Variants in UGT1A8 observed in about 807,000 individuals in gnomAD.
UGT1A8 encodes UDP-glucuronosyltransferase 1A8.
UGT1A8 carries 39 observed loss-of-function variants against 45.3 expected under a neutral mutation model. The ratio of observed to expected loss-of-function variants is 0.86; its 90% confidence interval spans 0.67 to 1.12. The LOEUF (loss-of-function observed/expected upper bound fraction) is 1.12. Among genes scored for constraint, UGT1A8 ranks in the 50% most tolerant of loss-of-function variants. UGT1A8 has a pLI of 0.00. For missense variants in UGT1A8, 719 were observed against 664.9 expected, an observed-to-expected ratio of 1.08 and a Z score of -0.90; for synonymous variants, 275 against 249.2, an observed-to-expected ratio of 1.10 and a Z score of -0.97.
At chr2:233,713,146 A>G (rs2076284173) in intron 1 of UGT1A8, 1 of 1,614,234 alleles carries the variant, frequency 6.2e-7, no homozygotes, top group East Asian at 2.2e-5. Context: ...CGGGACCTCC[A>G]TGCGAGAGGC....
intron 1 of UGT1A8, chr2:233,718,669 AT>A (rs2076674344): frequency 6.5e-7 from 1 of 1,549,232 alleles, no homozygotes; most frequent in East Asian, 2.4e-5. Context: ...TTATAGATTA[AT>A]GGGTAATAAG....
intron 1 of UGT1A8, among the ~76,000 whole-genome samples, chr2:233,748,636 A>G (rs1201080065): frequency 6.6e-6 from 1 of 151,796 alleles, no homozygotes; most frequent in African/African-American, 2.4e-5. Flanking sequence ...CTGTGATTAT[A>G]GAATTACACA....
chr2:233,687,313 T>G (rs2074832354), intron 1 of UGT1A8, among the ~76,000 whole-genome samples: 1 of 152,142 alleles, frequency 6.6e-6, no homozygotes, highest in African/African-American at 2.4e-5. Context: ...TGTTGTCTTC[T>G]TGATGCAAGT....
chr2:233,646,088 C>T (rs1161257346), intron 1 of UGT1A8, among the ~76,000 whole-genome samples: 2 of 152,222 alleles, frequency 1.3e-5, no homozygotes, highest in African/African-American at 2.4e-5. Flanking sequence ...AGTCTCAACC[C>T]CACATGGAAG....
chr2:233,659,698 G>C (rs1045375049), intron 1 of UGT1A8, among the ~76,000 whole-genome samples: 1 of 152,124 alleles, frequency 6.6e-6, no homozygotes, highest in African/African-American at 2.4e-5. Flanking sequence ...ATTACTGTCT[G>C]ACATTTTTGC....
At chr2:233,682,820 A>G (rs562629163) in intron 1 of UGT1A8, 4 of 1,573,334 alleles carry the variant, frequency 2.5e-6, no homozygotes, top group South Asian at 1.2e-5. Flanking sequence ...TAGCACATTA[A>G]GAATAATCTG....
Position 233,772,359 on chromosome 2 carries a change from C to T in UGT1A8, c.1393C>T (p.His465Tyr), listed in dbSNP as rs1559420158. 1 of 1,614,248 alleles carries T rather than the reference C, an allele frequency of 6.2e-7. No individual in the cohort carries two copies. The highest frequency in any genetic ancestry group is 8.5e-7 in the Non-Finnish European group (1 of 1,180,052). ...GTTCTGGGTGGAGTTTGTGATGAGG[C>T]ACAAGGGCGCGCCACACCTGCGCCC... ...AVFWVEFVMR[H>Y]KGAPHLRPAA... Residue 465 changes from histidine (H) to tyrosine (Y), a missense_variant, in exon 5 of 5, where the codon CAC (histidine) becomes TAC (tyrosine). His to Tyr is a moderately conservative substitution (Grantham distance 83). Coordinates refer to ENST00000373450, the MANE Select transcript of UGT1A8 (RefSeq NM_019076.5).
In UGT1A8 at chr2:233,634,737, G is replaced by T. The variant is rs1479239403; in HGVS notation, c.855+16175G>T. 4.3e-5 allele frequency among the ~76,000 whole-genome samples: 6 copies of T among 140,988 alleles called. No homozygotes were observed. The Admixed American group carries it at 4.4e-4, about 10-fold the overall frequency. 92.5% of individuals were successfully genotyped at this position (140,988 alleles called of 152,430 possible). ...GTCTTCTGAATGCAGCACACTGATG[G>T]GTCTTGACTGTTTATCCAATTTGCC... On this transcript the variant is annotated intron_variant, in intron 1 of 4. Coordinates refer to ENST00000373450, the MANE Select transcript of UGT1A8 (RefSeq NM_019076.5).
chr2:233,658,182 CT>C (rs2073896157), intron 1 of UGT1A8, among the ~76,000 whole-genome samples: 1 of 152,002 alleles, frequency 6.6e-6, no homozygotes, highest in African/African-American at 2.4e-5. Flanking sequence ...CCATGCCCAG[CT>C]AATTTTTGTA....
intron 1 of UGT1A8, among the ~76,000 whole-genome samples, chr2:233,678,748 T>G (rs1159437249): frequency 6.9e-6 from 1 of 145,830 alleles, no homozygotes; most frequent in African/African-American, 2.5e-5. Flanking sequence ...TGGAAAGCAC[T>G]CATCTCTATC....
chr2:233,726,321 G>A (rs1278846802), intron 1 of UGT1A8, among the ~76,000 whole-genome samples: 1 of 152,184 alleles, frequency 6.6e-6, no homozygotes, highest in African/African-American at 2.4e-5. Context: ...GAGCTCAGGA[G>A]TTTCAGCACC....
At position 233,769,465 on chromosome 2, in the gene UGT1A8, G is replaced by A. The variant is rs34036745; in HGVS notation, c.1295+1026G>A. On this transcript the variant is annotated intron_variant, in intron 4 of 4. Coordinates refer to ENST00000373450, the MANE Select transcript of UGT1A8 (RefSeq NM_019076.5). The surrounding 1 kb of genome is among the most constrained non-coding windows in gnomAD (Gnocchi z 4.4). The stretch of plus-strand genomic sequence containing the variant: ...GGTGCACACGTGTGCATTCATATGC[G>A]TGTGTGTGTGTGTGCGTGTGTTTAT... The A allele has an allele frequency of 1.9e-4, 256 of 1,316,538 alleles. No homozygotes were observed. Among genetic ancestry groups the A allele is most frequent in the Non-Finnish European group, 2.3e-4 (217 of 963,564 alleles). The allele number at this position is 1,316,538 out of a possible 1,614,324, so 81.6% of individuals were successfully genotyped here.
chr2:233,689,268 A>G (rs537771403), intron 1 of UGT1A8, among the ~76,000 whole-genome samples: 1 of 152,312 alleles, frequency 6.6e-6, no homozygotes, highest in African/African-American at 2.4e-5. Context: ...TATTGTTATC[A>G]TACTAAACTA....
intron 1 of UGT1A8, among the ~76,000 whole-genome samples, chr2:233,632,060 C>T (rs1005843689): frequency 2.0e-5 from 3 of 152,134 alleles, no homozygotes; most frequent in Non-Finnish European, 4.4e-5. Context: ...TATGGCTAGC[C>T]AGTTTTCCCA....
chr2:233,686,136 A>C (rs571767710), intron 1 of UGT1A8, among the ~76,000 whole-genome samples: 1 of 152,306 alleles, frequency 6.6e-6, no homozygotes, highest in East Asian at 1.9e-4. Context: ...TCATATATAA[A>C]AATTAACTTG....
Position 233,704,417 on chromosome 2 carries a change from AC to A in UGT1A8, c.856-62616del, listed in dbSNP as rs57721875. Among the ~76,000 whole-genome samples, 1,452 of 152,082 alleles carry A rather than the reference AC, an allele frequency of 9.5e-3. 33 individuals are homozygous for A. Among genetic ancestry groups the A allele is most frequent in the African/African-American group, 0.033 (1,359 of 41,510 alleles). ...CAGTATCTACTTCAGATTTATACCA[AC>A]TTAATTCCAGTTAAATATTGAAATG... is the stretch of plus-strand genomic sequence containing the variant. On this transcript the variant is annotated intron_variant, in intron 1 of 4. Transcript: ENST00000373450.
intron 1 of UGT1A8, among the ~76,000 whole-genome samples, chr2:233,621,358 G>C (rs2073002920): frequency 6.6e-6 from 1 of 152,100 alleles, no homozygotes; most frequent in Non-Finnish European, 1.5e-5. Flanking sequence ...TTGATGACTG[G>C]TTTTAGGTGA....
At chr2:233,748,415 T>A (rs1693936731) in intron 1 of UGT1A8, among the ~76,000 whole-genome samples, 1 of 151,852 alleles carries the variant, frequency 6.6e-6, no homozygotes, top group Non-Finnish European at 1.5e-5. Context: ...ACATTGAGAC[T>A]TGACCCATCT....
At chr2:233,741,039 A>T (rs1218134872) in intron 1 of UGT1A8, among the ~76,000 whole-genome samples, 1 of 151,820 alleles carries the variant, frequency 6.6e-6, no homozygotes, top group African/African-American at 2.4e-5. Context: ...GTAAGCTATG[A>T]TCTTGCCTAG....
Sources: allele counts gnomAD v4.1 joint callset (sites outside exome capture counted in the v4.1 genomes callset), GRCh38; gene constraint gnomAD v4.1.1; non-coding constraint Gnocchi (gnomAD v3.1); transcripts MANE v1.5; gene names NCBI Gene and HGNC (gene_info 2026-07-23, HGNC 2026-07-21).